Variants in MEIKIN observed in about 807,000 individuals in gnomAD.
MEIKIN encodes the protein meiosis-specific kinetochore protein.
chr5:131,880,867 A>G (rs2149629109), intron 8 of MEIKIN, among the ~76,000 whole-genome samples: 1 of 152,374 alleles, frequency 6.6e-6, no homozygotes, highest in Admixed American at 6.5e-5. Flanking sequence ...ATAAACACTG[A>G]ATAATATTTT....
chr5:131,813,513 G>A (rs1216205362), intron 12 of MEIKIN, among the ~76,000 whole-genome samples: 4 of 149,520 alleles, frequency 2.7e-5, no homozygotes, highest in Non-Finnish European at 4.4e-5. Context: ...TGAAAGCTCC[G>A]CCTCCCGGGT....
At chr5:131,864,295 G>T (rs748452042) in intron 9 of MEIKIN, among the ~76,000 whole-genome samples, 2 of 152,036 alleles carry the variant, frequency 1.3e-5, no homozygotes, top group Non-Finnish European at 2.9e-5. Flanking sequence ...AGAATCATTT[G>T]AGTCCTTTCT....
intron 7 of MEIKIN, among the ~76,000 whole-genome samples, chr5:131,914,608 AAGGAAAGGG>A (rs1206494148): frequency 3.7e-3 from 3 of 820 alleles, no homozygotes; most frequent in East Asian, 0.025. Flanking sequence ...AAGGGAAGGG[AAGGAAAGGG>A]AAGGAAAGGA....
At chr5:131,826,898 T>C (rs538208418) in intron 11 of MEIKIN, among the ~76,000 whole-genome samples, 2 of 152,338 alleles carry the variant, frequency 1.3e-5, no homozygotes, top group African/African-American at 2.4e-5. Flanking sequence ...AGTATCCTTA[T>C]AGCAGTGTGA....
intron 11 of MEIKIN, among the ~76,000 whole-genome samples, chr5:131,845,838 G>A (rs1054724630): frequency 6.6e-6 from 1 of 152,094 alleles, no homozygotes; most frequent in Non-Finnish European, 1.5e-5. Flanking sequence ...GAAAGTCCCA[G>A]AAGGAAAAGA....
intron 8 of MEIKIN, among the ~76,000 whole-genome samples, chr5:131,886,235 G>A (rs1299872913): frequency 6.6e-6 from 1 of 151,902 alleles, no homozygotes; most frequent in Non-Finnish European, 1.5e-5. Flanking sequence ...AAAAGACAGG[G>A]GCAGAAAGTT....
intron 9 of MEIKIN, among the ~76,000 whole-genome samples, chr5:131,869,459 TG>T (rs1750448327): frequency 6.6e-6 from 1 of 152,258 alleles, no homozygotes; most frequent in Non-Finnish European, 1.5e-5. Context: ...TTGGCTATTC[TG>T]TATCTTTTCC....
chr5:131,853,686 G>A (rs1206507936), intron 10 of MEIKIN, among the ~76,000 whole-genome samples: 2 of 151,834 alleles, frequency 1.3e-5, no homozygotes, highest in African/African-American at 4.8e-5. Flanking sequence ...ATAAACAAAG[G>A]ACTTGAATAG....
intron 4 of MEIKIN, among the ~76,000 whole-genome samples, chr5:131,938,676 T>G (rs1158237082): frequency 6.6e-6 from 1 of 152,246 alleles, no homozygotes; most frequent in African/African-American, 2.4e-5. Context: ...TCTGAACACT[T>G]TTTACAAGAG....
chr5:131,830,289 T>G (rs1749693186), intron 11 of MEIKIN, among the ~76,000 whole-genome samples: 2 of 152,090 alleles, frequency 1.3e-5, no homozygotes, highest in African/African-American at 2.4e-5. Flanking sequence ...CCCAGCTACT[T>G]GGGAGGCTGA....
At chr5:131,865,654 C>A (rs564497190) in intron 9 of MEIKIN, among the ~76,000 whole-genome samples, 6 of 151,480 alleles carry the variant, frequency 4.0e-5, no homozygotes, top group Non-Finnish European at 7.4e-5. Context: ...GCTGCTTTTT[C>A]CAATTTTTTT....
At chr5:131,859,425 TG>T (rs1750246515) in intron 9 of MEIKIN, among the ~76,000 whole-genome samples, 1 of 152,232 alleles carries the variant, frequency 6.6e-6, no homozygotes, top group African/African-American at 2.4e-5. Flanking sequence ...TAGATTTCTC[TG>T]GAATGGCTTA....
chr5:131,838,220 T>C (rs1299627778), intron 11 of MEIKIN, among the ~76,000 whole-genome samples: 2 of 152,154 alleles, frequency 1.3e-5, no homozygotes, highest in Non-Finnish European at 2.9e-5. Context: ...TTGTGGTGAA[T>C]TAGCTTTTTG....
rs1773075786 is a variant in MEIKIN, at chr5:131,815,005, A to G, written c.1099+3735T>C. On this transcript the variant is annotated intron_variant, in intron 12 of 12. Transcript: ENST00000442687. The stretch of plus-strand genomic sequence containing the variant: ...TTGATTACATTGAACTACTTCCATC[A>G]TGGAAGGGGTAGCATTTTGTTCTTA... Among the ~76,000 whole-genome samples the G allele has an allele frequency of 2.6e-5, 4 of 152,140 alleles. No homozygotes were observed. In the South Asian group the frequency reaches 6.2e-4, roughly 24 times the overall value.
intron 11 of MEIKIN, among the ~76,000 whole-genome samples, chr5:131,828,058 A>T (rs1341429838): frequency 1.3e-5 from 2 of 151,896 alleles, no homozygotes; most frequent in East Asian, 3.9e-4. Flanking sequence ...AAAAATTAAG[A>T]TTAGAAGATG....
intron 9 of MEIKIN, among the ~76,000 whole-genome samples, chr5:131,867,747 T>G (rs1005586303): frequency 6.6e-6 from 1 of 152,240 alleles, no homozygotes; most frequent in Non-Finnish European, 1.5e-5. Context: ...TGTCTGGATA[T>G]ACCACAGTTT....
At chr5:131,831,046 C>T (rs1035877367) in intron 11 of MEIKIN, among the ~76,000 whole-genome samples, 5 of 152,126 alleles carry the variant, frequency 3.3e-5, no homozygotes, top group Admixed American at 6.5e-5. Flanking sequence ...TATACGTGTG[C>T]GCCATTGCAC....
At chr5:131,892,168 T>C (rs1033712405) in intron 8 of MEIKIN, among the ~76,000 whole-genome samples, 2 of 152,154 alleles carry the variant, frequency 1.3e-5, no homozygotes, top group East Asian at 3.9e-4. Flanking sequence ...TCATTTCAAC[T>C]TTGGTGAATC....
rs940597795 is a variant in MEIKIN, at chr5:131,895,410, G to T, written c.704-16362C>A. On this transcript the variant is annotated intron_variant, in intron 8 of 12. Coordinates refer to ENST00000442687, the MANE Select transcript of MEIKIN (RefSeq NM_001303622.2). Reference sequence around the variant, plus strand: ...GGATGATGCTGGCCTCATAAAATGAGTTAGGGAGGATTCCCTCTTTTTCTA... The same window carrying T: ...GGATGATGCTGGCCTCATAAAATGATTTAGGGAGGATTCCCTCTTTTTCTA... Among the ~76,000 whole-genome samples, 5 of 152,306 alleles carry T rather than the reference G, an allele frequency of 3.3e-5. No homozygotes were observed. In the East Asian group the frequency reaches 7.7e-4, roughly 24 times the overall value.
Sources: allele counts gnomAD v4.1 joint callset (sites outside exome capture counted in the v4.1 genomes callset), GRCh38; gene constraint gnomAD v4.1.1; transcripts MANE v1.5; gene names NCBI Gene and HGNC (gene_info 2026-07-23, HGNC 2026-07-21).